SH3PXD2A: variants seen among roughly 807,000 people sequenced by gnomAD.
SH3PXD2A encodes the protein SH3 and PX domains 2A, also known as SH3 and PX domain-containing protein 2A.
SH3PXD2A carries 32 observed loss-of-function variants against 115.2 expected under a neutral mutation model. The ratio of observed to expected loss-of-function variants is 0.28; its 90% CI spans 0.21 to 0.37. The LOEUF (loss-of-function observed/expected upper bound fraction) is 0.37. Among genes scored for constraint, SH3PXD2A ranks in the 10% least tolerant of loss-of-function variants. The pLI is 1.00. For synonymous variants in SH3PXD2A, 610 were observed against 629.1 expected (o/e 0.97, Z 0.45); for missense variants, 1,328 against 1,498.7 (o/e 0.89, Z 1.88).
intron 5 of SH3PXD2A, among the ~76,000 whole-genome samples, chr10:103,699,145 A>G (rs938997338): frequency 2.0e-5 from 3 of 152,186 alleles, no homozygotes; most frequent in African/African-American, 7.2e-5. Flanking sequence ...GTCAAAGTCC[A>G]GTGCTGAATG....
At chr10:103,833,180 G>A (rs922871603) in intron 1 of SH3PXD2A, among the ~76,000 whole-genome samples, 6 of 152,128 alleles carry the variant, frequency 3.9e-5, no homozygotes, top group Admixed American at 2.0e-4. Flanking sequence ...TTTATGTTAC[G>A]TCTTTTCCAT....
At chr10:103,846,132 C>T (rs1842846173) in intron 1 of SH3PXD2A, among the ~76,000 whole-genome samples, 1 of 152,254 alleles carries the variant, frequency 6.6e-6, no homozygotes, top group African/African-American at 2.4e-5. Context: ...TCTACCCCGA[C>T]CCAGCCATGG....
intron 5 of SH3PXD2A, among the ~76,000 whole-genome samples, chr10:103,703,569 T>C (rs2037945844): frequency 6.6e-6 from 1 of 152,028 alleles, no homozygotes; most frequent in African/African-American, 2.4e-5. Context: ...AATGTTCCAA[T>C]TCTGTCCCCA....
chr10:103,608,627 C>A (rs1441055383), intron 13 of SH3PXD2A: 2 of 141,786 alleles, frequency 1.4e-5, no homozygotes, highest in African/African-American at 2.7e-5. Flanking sequence ...TTAAATTATT[C>A]TATTCTTTAA....
chr10:103,780,079 G>A (rs748956507), intron 2 of SH3PXD2A, among the ~76,000 whole-genome samples: 8 of 152,168 alleles, frequency 5.3e-5, no homozygotes, highest in African/African-American at 1.9e-4. Context: ...TGGCCACTAC[G>A]GGATCAAATT....
rs751249053 is a variant in SH3PXD2A at position 103,602,830 on chromosome 10, C to G, written c.2388G>C (p.Lys796Asn). 7 of 1,614,214 alleles carry G rather than the reference C, an allele frequency of 4.3e-6. No individual in the cohort carries two copies. The highest frequency in any genetic ancestry group is 5.1e-6 in the Non-Finnish European group (6 of 1,180,038). Residue 796 changes from lysine to asparagine, a missense_variant, in exon 15 of 15, where the codon AAG (lysine) becomes AAC (asparagine). Around this residue, in one of 5 missense-constraint regions of SH3PXD2A, gnomAD observed 574 missense variants for 565.7 expected, o/e 1.01. Coordinates refer to ENST00000369774, the MANE Select transcript of SH3PXD2A (RefSeq NM_001394015.1). ...GCGGGGGCAGCTCCGAATCCTCACT[C>G]TTGGAGCCCTTGAGCCCTCCACGGA... The part of the protein sequence containing the change: ...GQLRGGLKGS[K>N]SEDSELPPQT...
intron 2 of SH3PXD2A, among the ~76,000 whole-genome samples, chr10:103,790,114 C>T (rs1302465316): frequency 6.6e-6 from 1 of 152,008 alleles, no homozygotes; most frequent in African/African-American, 2.4e-5. Flanking sequence ...AGTGAGGCAA[C>T]AGAAGCTTCC....
chr10:103,650,278 G>C (rs1221509621), intron 8 of SH3PXD2A, among the ~76,000 whole-genome samples: 2 of 152,154 alleles, frequency 1.3e-5, no homozygotes, highest in Non-Finnish European at 2.9e-5. Context: ...TGGGACCTCA[G>C]AGACAGCCAC....
Position 103,695,208 on chromosome 10 carries a change from A to G in SH3PXD2A, c.399-2152T>C, listed in dbSNP as rs570033485. On this transcript the variant is annotated intron_variant, in intron 5 of 14. Coordinates refer to ENST00000369774, the MANE Select transcript of SH3PXD2A (RefSeq NM_001394015.1). ...CCCACTGACCATCCCCCTGGCTGCC[A>G]GTAGCCCAGGCAGGGGTGGCTGCCT... Among the ~76,000 whole-genome samples, 4 of 152,306 alleles carry G rather than the reference A, an allele frequency of 2.6e-5. No individual in the cohort carries two copies. In the East Asian group the frequency reaches 7.7e-4, roughly 29 times the overall value.
At chr10:103,798,581 G>A (rs1188336184) in intron 2 of SH3PXD2A, among the ~76,000 whole-genome samples, 1 of 152,240 alleles carries the variant, frequency 6.6e-6, no homozygotes, top group Non-Finnish European at 1.5e-5. Flanking sequence ...GATTCACAGA[G>A]GGGTCTGTGG....
At chr10:103,653,694 C>G (rs761531963) in intron 8 of SH3PXD2A, among the ~76,000 whole-genome samples, 1 of 152,156 alleles carries the variant, frequency 6.6e-6, no homozygotes, top group Non-Finnish European at 1.5e-5. Context: ...GCTGGCTCCA[C>G]GCAGGTAGCT....
intron 5 of SH3PXD2A, among the ~76,000 whole-genome samples, chr10:103,718,793 A>ACG (rs1414394979): frequency 6.6e-6 from 1 of 150,692 alleles, no homozygotes; most frequent in Non-Finnish European, 1.5e-5. Flanking sequence ...ACACACACAC[A>ACG]CACACGCACA....
chr10:103,668,672 A>G lies in SH3PXD2A; in HGVS notation c.428-20T>C. On this transcript the variant is annotated intron_variant, in intron 6 of 14. Coordinates refer to ENST00000369774, the MANE Select transcript of SH3PXD2A (RefSeq NM_001394015.1). The stretch of plus-strand genomic sequence containing the variant: ...GCCACACTTCCGAGTCCCCGAGAGC[A>G]AGCGGCAGCAGGAGAGGAGAACCAG... 1 of 1,547,678 alleles carries G rather than the reference A, an allele frequency of 6.5e-7. No homozygotes were observed. Among genetic ancestry groups the G allele is most frequent in the Non-Finnish European group, 8.7e-7 (1 of 1,148,686 alleles).
chr10:103,634,784 G>A (rs967562944), intron 8 of SH3PXD2A, among the ~76,000 whole-genome samples: 3 of 152,194 alleles, frequency 2.0e-5, no homozygotes, highest in Admixed American at 6.5e-5. Flanking sequence ...AAGACTCGAA[G>A]TCAGGTCCTG....
chr10:103,656,424 T>A (rs2037212628), intron 8 of SH3PXD2A, among the ~76,000 whole-genome samples: 2 of 152,194 alleles, frequency 1.3e-5, no homozygotes, highest in Non-Finnish European at 2.9e-5. Flanking sequence ...AACTGAAAAG[T>A]CATGCAAGTC....
Position 103,778,147 on chromosome 10 carries a change from G to A in SH3PXD2A, c.154-10978C>T, listed in dbSNP as rs180994539. Among the ~76,000 whole-genome samples the A allele has an allele frequency of 2.9e-3, 442 of 152,204 alleles. 1 individual carries two copies. Among genetic ancestry groups the A allele is most frequent in the African/African-American group, 0.01 (419 of 41,526 alleles). ...GATCGAGACCATCCTGGCTAACATG[G>A]TGAAACCCCGTCTCTACTAAAAATT... On this transcript the variant is annotated intron_variant, in intron 2 of 14. Transcript: ENST00000369774.
chr10:103,776,203 A>G (rs1472705385), intron 2 of SH3PXD2A, among the ~76,000 whole-genome samples: 1 of 152,158 alleles, frequency 6.6e-6, no homozygotes, highest in Non-Finnish European at 1.5e-5. Context: ...CCTGGGCAAC[A>G]TGGTGAGACT....
intron 8 of SH3PXD2A, among the ~76,000 whole-genome samples, chr10:103,644,652 C>A (rs1199028496): frequency 6.6e-6 from 1 of 151,276 alleles, no homozygotes; most frequent in East Asian, 1.9e-4. Flanking sequence ...CTATTCTAAG[C>A]CATTTCAGAA....
intron 1 of SH3PXD2A, among the ~76,000 whole-genome samples, chr10:103,851,148 G>GA (rs11357351): frequency 0.85 from 120,125 of 140,542 alleles, 52,351 homozygotes; most frequent in East Asian, 0.98. Context: ...TAAGGGCTGA[G>GA]AAAAAAAAAA....
Sources: gnomAD v4.1 joint callset for allele counts (sites outside exome capture counted in the v4.1 genomes callset) on GRCh38, gnomAD v4.1.1 for gene constraint, gnomAD v4.1.1 regional missense constraint, MANE v1.5 for transcripts, NCBI Gene and HGNC (gene_info 2026-07-23, HGNC 2026-07-21) for gene names.